HSDL1: variants seen among roughly 807,000 people sequenced by gnomAD.
HSDL1 encodes the protein hydroxysteroid dehydrogenase like 1, also known as inactive hydroxysteroid dehydrogenase-like protein 1.
A neutral mutation model predicts 31.5 loss-of-function variants in HSDL1; 29 were observed. That is an observed-to-expected ratio of 0.92 (90% CI 0.69 to 1.26). The LOEUF (loss-of-function observed/expected upper bound fraction) is 1.26, where lower values mean the gene tolerates loss of function less well. Among genes scored for constraint, HSDL1 ranks in the 50% most tolerant of loss-of-function variants. The probability of loss-of-function intolerance (pLI) is 0.00; values close to 1 mark genes in which losing one functional copy is unlikely to be tolerated. For synonymous variants in HSDL1, 222 were observed against 155.2 expected, an observed-to-expected ratio of 1.43 and a Z score of -3.20; for missense variants, 503 against 416.6, an observed-to-expected ratio of 1.21 and a Z score of -1.81.
At chr16:84,141,462 T>C (rs1597381128) in intron 1 of HSDL1, among the ~76,000 whole-genome samples, 1 of 152,246 alleles carries the variant, frequency 6.6e-6, no homozygotes, top group Admixed American at 6.5e-5. Flanking sequence ...GGTTTTGATT[T>C]ACAGTTAGGA....
At chr16:84,137,058 A>T (rs1175441661) in intron 1 of HSDL1, among the ~76,000 whole-genome samples, 1 of 152,230 alleles carries the variant, frequency 6.6e-6, no homozygotes, top group Admixed American at 6.5e-5. Context: ...CTAGAACAGC[A>T]ATGAAAAATA....
chr16:84,123,230 T>G lies in HSDL1; in HGVS notation c.*1400A>C, dbSNP rs763984361. The G allele has an allele frequency of 5.9e-5, 9 of 152,354 alleles. No individual in the cohort carries two copies. Among genetic ancestry groups the G allele is most frequent in the African/African-American group, 1.9e-4 (8 of 41,572 alleles). The allele number at this position is 152,354 out of a possible 1,614,324, so 9.4% of individuals were successfully genotyped here. On this transcript the variant is annotated 3_prime_UTR_variant, in exon 6 of 6. Coordinates refer to ENST00000219439, the MANE Select transcript of HSDL1 (RefSeq NM_031463.5). ...AGGCAATGTCATGGGCAAAATTGTG[T>G]TCATAAAACTGTGCTTAGGTCTGCT... is the stretch of plus-strand genomic sequence containing the variant.
chr16:84,131,959 G>C (rs1207467101), intron 2 of HSDL1, among the ~76,000 whole-genome samples: 1 of 152,188 alleles, frequency 6.6e-6, no homozygotes, highest in African/African-American at 2.4e-5. Flanking sequence ...GGGATTACAG[G>C]TGTGAGCCAC....
At chr16:84,138,401 C>G (rs1446150501) in intron 1 of HSDL1, among the ~76,000 whole-genome samples, 3 of 152,076 alleles carry the variant, frequency 2.0e-5, no homozygotes, top group African/African-American at 7.2e-5. Context: ...ATGTACAGTA[C>G]AGTGACCATA....
At chr16:84,127,514 C>T (rs188016188) in intron 5 of HSDL1, among the ~76,000 whole-genome samples, 3 of 151,092 alleles carry the variant, frequency 2.0e-5, no homozygotes, top group East Asian at 2.0e-4. Flanking sequence ...CCACCACGCC[C>T]GACCAAAACT....
intron 3 of HSDL1, among the ~76,000 whole-genome samples, chr16:84,130,756 A>C (rs2086656079): frequency 6.6e-6 from 1 of 152,238 alleles, no homozygotes; most frequent in African/African-American, 2.4e-5. Context: ...AAATCTTCAT[A>C]AATTAAAATG....
rs2086570732 is a variant in HSDL1 at position 84,123,098 on chromosome 16, G to A, written c.*1532C>T. The A allele has an allele frequency of 1.3e-5, 2 of 152,218 alleles. No homozygotes were observed. Among genetic ancestry groups the A allele is most frequent in the South Asian group, 4.1e-4 (2 of 4,832 alleles). The allele number at this position is 152,218 out of a possible 1,614,324, so 9.4% of individuals were successfully genotyped here. On this transcript the variant is annotated 3_prime_UTR_variant, in exon 6 of 6. Coordinates refer to ENST00000219439, the MANE Select transcript of HSDL1 (RefSeq NM_031463.5). ...ACCTTGGGGCTCACAGCATCTCCCA[G>A]TGTGTAGATTTTCACATCTAAGTTC... is the stretch of plus-strand genomic sequence containing the variant.
intron 1 of HSDL1, among the ~76,000 whole-genome samples, chr16:84,142,454 G>A (rs539996103): frequency 0.01 from 123 of 11,900 alleles, no homozygotes; most frequent in Non-Finnish European, 0.019. Flanking sequence ...TTTTTTTTTT[G>A]AGACAGAGTC....
chr16:84,134,982 C>T (rs1450130180), intron 2 of HSDL1, among the ~76,000 whole-genome samples: 1 of 152,028 alleles, frequency 6.6e-6, no homozygotes, highest in East Asian at 1.9e-4. Flanking sequence ...GCCTGTAGTC[C>T]CAGCACTTTG....
intron 1 of HSDL1, among the ~76,000 whole-genome samples, chr16:84,142,688 C>A (rs1438762351): frequency 6.6e-6 from 1 of 151,992 alleles, no homozygotes; most frequent in African/African-American, 2.4e-5. Flanking sequence ...TTGTGATCCG[C>A]CCACTTTGGC....
chr16:84,127,955 G>A (rs1449430793), intron 5 of HSDL1, among the ~76,000 whole-genome samples: 4 of 149,846 alleles, frequency 2.7e-5, no homozygotes, highest in Non-Finnish European at 5.9e-5. Flanking sequence ...TCCTGACCTC[G>A]TGATCCGCCC....
At chr16:84,132,969 C>T (rs1434193480) in intron 2 of HSDL1, among the ~76,000 whole-genome samples, 2 of 134,782 alleles carry the variant, frequency 1.5e-5, no homozygotes, top group Admixed American at 7.5e-5. Context: ...GAAGAAATCC[C>T]TTTAAAATAG....
chr16:84,135,599 G>A lies in HSDL1; in HGVS notation c.-62C>T, dbSNP rs1489127554. 6.6e-6 allele frequency: 1 copy of A among 152,224 alleles called. No individual in the cohort carries two copies. The highest frequency in any genetic ancestry group is 2.4e-5 in the African/African-American group (1 of 41,446). The allele number at this position is 152,224 out of a possible 1,614,324, so 9.4% of individuals were successfully genotyped here. ...GTATGTGGCTCCGTCCTTCTCTTAA[G>A]GCCAATCTGTGAATAAAACCAACAA... On this transcript the variant is annotated 5_prime_UTR_variant, in exon 2 of 6. Coordinates refer to ENST00000219439, the MANE Select transcript of HSDL1 (RefSeq NM_031463.5).
At chr16:84,130,496 A>G in intron 3 of HSDL1, 65 bp from the exon 4 acceptor site, 6 of 1,338,898 alleles carry the variant, frequency 4.5e-6, no homozygotes, top group Non-Finnish European at 4.1e-6. Flanking sequence ...AATGGACCCA[A>G]AGTACCCCCT....
intron 1 of HSDL1, among the ~76,000 whole-genome samples, chr16:84,141,486 G>A (rs1380033321): frequency 4.6e-5 from 7 of 152,240 alleles, no homozygotes; most frequent in African/African-American, 1.7e-4. Flanking sequence ...GTGCTGCAGG[G>A]AGCGCTTGTC....
chr16:84,143,954 G>C (rs2086801976), intron 1 of HSDL1, among the ~76,000 whole-genome samples: 1 of 152,076 alleles, frequency 6.6e-6, no homozygotes, highest in Non-Finnish European at 1.5e-5. Flanking sequence ...GGCAGAGGTA[G>C]CAGGAGCTGA....
chr16:84,140,031 C>G (rs559955548), intron 1 of HSDL1, among the ~76,000 whole-genome samples: 12 of 152,206 alleles, frequency 7.9e-5, no homozygotes, highest in Non-Finnish European at 1.3e-4. Context: ...GCACCAACAA[C>G]ATGTCAGCCC....
At chr16:84,136,304 C>G (rs1401400344) in intron 1 of HSDL1, among the ~76,000 whole-genome samples, 1 of 152,232 alleles carries the variant, frequency 6.6e-6, no homozygotes, top group Non-Finnish European at 1.5e-5. Flanking sequence ...AACCCCTGGT[C>G]CACATTTTCC....
intron 1 of HSDL1, among the ~76,000 whole-genome samples, chr16:84,144,685 G>A (rs2151195446): frequency 6.6e-6 from 1 of 152,188 alleles, no homozygotes; most frequent in Admixed American, 6.5e-5. Context: ...CCGGGTGAGA[G>A]GCTGCAGGGA....
Sources: gnomAD v4.1 joint callset for allele counts (sites outside exome capture counted in the v4.1 genomes callset) on GRCh38, gnomAD v4.1.1 for gene constraint, MANE v1.5 for transcripts, NCBI Gene and HGNC (gene_info 2026-07-23, HGNC 2026-07-21) for gene names.